CTNND2: variants seen among roughly 807,000 people sequenced by gnomAD.
CTNND2 encodes catenin delta-2.
A neutral mutation model predicts 144.4 loss-of-function variants in CTNND2; 22 were observed. That is an observed-to-expected ratio of 0.15 (90% CI 0.11 to 0.22). The LOEUF (loss-of-function observed/expected upper bound fraction) is 0.22. Among genes scored for constraint, CTNND2 ranks in the 10% least tolerant of loss-of-function variants. The pLI is 1.00. For synonymous variants in CTNND2, 751 were observed against 695.6 expected, an observed-to-expected ratio of 1.08 and a Z score of -1.25; for missense variants, 1,353 against 1,618.8, an observed-to-expected ratio of 0.84 and a Z score of 2.82.
At chr5:11,554,284 G>A (rs900913003) in intron 3 of CTNND2, among the ~76,000 whole-genome samples, 1 of 152,120 alleles carries the variant, frequency 6.6e-6, no homozygotes, top group Admixed American at 6.5e-5. Context: ...TGCAGTGTAT[G>A]GAAAGGAAAA....
chr5:11,659,541 G>A (rs1056159339), intron 2 of CTNND2, among the ~76,000 whole-genome samples: 9 of 152,094 alleles, frequency 5.9e-5, no homozygotes, highest in African/African-American at 1.9e-4. Context: ...AGGACATAGA[G>A]CTGATCCATG....
chr5:11,082,670 G>A (rs528190368), intron 16 of CTNND2, 26 bp downstream of exon 16: 26 of 1,611,212 alleles, frequency 1.6e-5, no homozygotes, highest in Middle Eastern at 1.7e-4. Flanking sequence ...TAACACTTGA[G>A]ACACTGTGAA....
chr5:11,043,135 T>C lies in CTNND2; in HGVS notation c.2789-20156A>G, dbSNP rs565430087. On this transcript the variant is annotated intron_variant, in intron 16 of 21. Coordinates refer to ENST00000304623, the MANE Select transcript of CTNND2 (RefSeq NM_001332.4). Reference sequence around the variant, plus strand: ...GAATTGGGCCTCTTTTGTATTTTTATAGTACACAGAATTTCTATTTCAAGA... The same window carrying C: ...GAATTGGGCCTCTTTTGTATTTTTACAGTACACAGAATTTCTATTTCAAGA... Among the ~76,000 whole-genome samples, 20 of 152,162 alleles carry C rather than the reference T, an allele frequency of 1.3e-4. No individual in the cohort carries two copies. The East Asian group carries it at 3.7e-3, about 28-fold the overall frequency.
chr5:11,111,044 C>A lies in CTNND2; in HGVS notation c.2278-1G>T. On this transcript the variant is annotated splice_acceptor_variant, in intron 13 of 21. Coordinates refer to ENST00000304623, the MANE Select transcript of CTNND2 (RefSeq NM_001332.4). LOFTEE classifies it high-confidence loss of function. ...AAATGCACACACAGTTTTCAACGGT[C>A]TGCAGAAAAGGGGGAAACAGAGGAA... The A allele has an allele frequency of 6.2e-7, 1 of 1,611,504 alleles. No individual in the cohort carries two copies. The highest frequency in any genetic ancestry group is 1.1e-5 in the South Asian group (1 of 90,940).
At chr5:11,329,991 T>C (rs761878700) in intron 9 of CTNND2, among the ~76,000 whole-genome samples, 1 of 152,184 alleles carries the variant, frequency 6.6e-6, no homozygotes, top group Non-Finnish European at 1.5e-5. Context: ...CTGTAAGTGA[T>C]TACTGCAGTG....
At chr5:11,024,075 T>C (rs964323763) in intron 16 of CTNND2, among the ~76,000 whole-genome samples, 1 of 152,250 alleles carries the variant, frequency 6.6e-6, no homozygotes, top group Non-Finnish European at 1.5e-5. Flanking sequence ...CATGTACATA[T>C]CTATAAATAA....
At chr5:11,540,752 T>C (rs949378795) in intron 3 of CTNND2, among the ~76,000 whole-genome samples, 6 of 152,150 alleles carry the variant, frequency 3.9e-5, no homozygotes, top group Non-Finnish European at 7.4e-5. Context: ...TCAGGTGATC[T>C]GCCCACCTCA....
chr5:11,166,966 AGCTCCTTAG>A (rs1443214987), intron 11 of CTNND2, among the ~76,000 whole-genome samples: 1 of 152,228 alleles, frequency 6.6e-6, no homozygotes, highest in Non-Finnish European at 1.5e-5. Context: ...CTGTAATAAC[AGCTCCTTAG>A]GCCAAGGCTT....
intron 3 of CTNND2, among the ~76,000 whole-genome samples, chr5:11,528,082 G>C (rs116150569): frequency 6.6e-6 from 1 of 152,136 alleles, no homozygotes; most frequent in South Asian, 2.1e-4. Flanking sequence ...AAAAGCTCGC[G>C]GGGGACTTAT....
intron 1 of CTNND2, among the ~76,000 whole-genome samples, chr5:11,820,844 T>A (rs1793271155): frequency 6.6e-6 from 1 of 152,118 alleles, no homozygotes; most frequent in Admixed American, 6.5e-5. Context: ...TAATGAAAGG[T>A]TCATTTCATC....
At chr5:11,694,467 C>T (rs1166692388) in intron 2 of CTNND2, among the ~76,000 whole-genome samples, 1 of 151,218 alleles carries the variant, frequency 6.6e-6, no homozygotes, top group Non-Finnish European at 1.5e-5. Context: ...AAAAACAAAA[C>T]CAAACTGAAA....
chr5:11,408,612 G>GATAATTCAGTACGTGACAAT (rs1761274308), intron 5 of CTNND2, among the ~76,000 whole-genome samples: 1 of 152,000 alleles, frequency 6.6e-6, no homozygotes, highest in Non-Finnish European at 1.5e-5. Flanking sequence ...TCTTCAATAA[G>GATAATTCAGTACGTGACAAT]ATAATTCAGT....
At chr5:11,092,034 C>T (rs1267880277) in intron 15 of CTNND2, among the ~76,000 whole-genome samples, 1 of 152,126 alleles carries the variant, frequency 6.6e-6, no homozygotes, top group African/African-American at 2.4e-5. Context: ...AGTGAGTCTA[C>T]CGAGATCCCC....
intron 9 of CTNND2, among the ~76,000 whole-genome samples, chr5:11,332,834 C>T (rs1753309774): frequency 6.6e-6 from 1 of 152,130 alleles, no homozygotes; most frequent in South Asian, 2.1e-4. Flanking sequence ...AATTGAATTC[C>T]CTATACTGCT....
intron 2 of CTNND2, among the ~76,000 whole-genome samples, chr5:11,632,703 T>C (rs1025650382): frequency 8.5e-5 from 13 of 152,192 alleles, no homozygotes; most frequent in African/African-American, 3.1e-4. Flanking sequence ...CTATTTTAAA[T>C]ATGTTCCAAG....
chr5:11,740,400 T>A lies in CTNND2; in HGVS notation c.38-8128A>T, dbSNP rs759250226. On this transcript the variant is annotated intron_variant, in intron 1 of 21. Coordinates refer to ENST00000304623, the MANE Select transcript of CTNND2 (RefSeq NM_001332.4). ...AAATAACACCACACATCTACAACCA[T>A]CTGATCTTTGACAAACCTGACAAAA... Among the ~76,000 whole-genome samples, 118 of 152,190 alleles carry A rather than the reference T, an allele frequency of 7.8e-4. 2 individuals carry two copies. The highest frequency in any genetic ancestry group is 3.4e-3 in the Middle Eastern group (1 of 294).
At position 11,159,667 on chromosome 5, in the gene CTNND2, G is replaced by C. The variant is rs140646504; in HGVS notation, c.2068C>G (p.His690Asp). ...AVLTNAVIIP[H>D]SGWENSPLQD... ...AGAGGCGAATTTTCCCAGCCTGAGT[G>C]GGGGATAATCACCGCGTTGGTCAGT... The change falls in exon 12 of 22, where the codon CAC (histidine) becomes GAC (aspartate). Residue 690 changes from histidine (H) to aspartate (D), a missense_variant. Around this residue, in one of 4 missense-constraint regions of CTNND2, gnomAD observed 117 missense variants for 117.8 expected, o/e 0.99. Coordinates refer to ENST00000304623, the MANE Select transcript of CTNND2 (RefSeq NM_001332.4). The C allele has an allele frequency of 6.2e-6, 10 of 1,613,478 alleles. No individual in the cohort carries two copies. Among genetic ancestry groups the C allele is most frequent in the African/African-American group, 2.7e-5 (2 of 74,902 alleles).
chr5:10,986,769 T>G (rs1172798828), intron 20 of CTNND2: 2 of 434,214 alleles, frequency 4.6e-6, no homozygotes, highest in Non-Finnish European at 9.2e-6. Flanking sequence ...AAACATCCGT[T>G]TATTATAGTT....
intron 11 of CTNND2, among the ~76,000 whole-genome samples, chr5:11,175,093 G>A: frequency 6.6e-6 from 1 of 151,836 alleles, no homozygotes; most frequent in East Asian, 1.9e-4. Flanking sequence ...TTCTATGCTT[G>A]TGTATTTCAA....
Sources: gnomAD v4.1 joint callset for allele counts (sites outside exome capture counted in the v4.1 genomes callset) on GRCh38, gnomAD v4.1.1 for gene constraint, gnomAD v4.1.1 regional missense constraint, MANE v1.5 for transcripts, NCBI Gene and HGNC (gene_info 2026-07-23, HGNC 2026-07-21) for gene names.